The following UBTD2 variants were observed in gnomAD, a reference collection of about 807,000 sequenced individuals.
The protein encoded by UBTD2 is ubiquitin domain containing 2.
Under a neutral mutation model 19.8 loss-of-function variants are expected in UBTD2, and 9 were observed. The ratio of observed to expected loss-of-function variants is 0.46; its 90% CI spans 0.27 to 0.79. The LOEUF (loss-of-function observed/expected upper bound fraction) is 0.79. Among genes scored for constraint, UBTD2 ranks in the 30% least tolerant of loss-of-function variants. The pLI, the probability that UBTD2 is intolerant of heterozygous loss-of-function variation, is 0.14. For synonymous variants in UBTD2, 98 were observed against 103.9 expected, an observed-to-expected ratio of 0.94 and a Z score of 0.35; for missense variants, 250 against 300.4, an observed-to-expected ratio of 0.83 and a Z score of 1.24.
At chr5:172,255,344 G>C in intron 1 of UBTD2, 1 of 459,456 alleles carries the variant, frequency 2.2e-6, no homozygotes. Context: ...TACTTGTTGG[G>C]CTTCATGGAT....
chr5:172,254,448 G>A (rs192584261), intron 1 of UBTD2: 36 of 465,580 alleles, frequency 7.7e-5, no homozygotes, highest in African/African-American at 3.6e-4. Context: ...GTTACAGTCC[G>A]GACACTGTAA....
intron 1 of UBTD2, among the ~76,000 whole-genome samples, chr5:172,257,321 C>G (rs1274223489): frequency 6.6e-6 from 1 of 152,216 alleles, no homozygotes; most frequent in Non-Finnish European, 1.5e-5. Context: ...TGACCTCCTT[C>G]TTTTTATAGC....
intron 1 of UBTD2, among the ~76,000 whole-genome samples, chr5:172,240,209 G>A (rs993951661): frequency 3.3e-5 from 5 of 152,126 alleles, no homozygotes; most frequent in African/African-American, 1.2e-4. Context: ...CATGATCACT[G>A]AAGAGGAATC....
chr5:172,254,737 G>A, intron 1 of UBTD2: 2 of 284,842 alleles, frequency 7.0e-6, no homozygotes, highest in South Asian at 8.0e-5. Context: ...CTTGTGGGGG[G>A]GAACACTGAG....
At chr5:172,238,413 A>G (rs1772054600) in intron 1 of UBTD2, among the ~76,000 whole-genome samples, 1 of 152,204 alleles carries the variant, frequency 6.6e-6, no homozygotes, top group Admixed American at 6.5e-5. Flanking sequence ...TAATAAAGCA[A>G]TCTAATCTTA....
intron 2 of UBTD2, among the ~76,000 whole-genome samples, chr5:172,231,551 T>C (rs908602598): frequency 1.3e-5 from 2 of 152,192 alleles, no homozygotes; most frequent in Admixed American, 1.3e-4. Flanking sequence ...AGGATATGCA[T>C]GAGGCCCAGC....
At chr5:172,243,719 T>A (rs10077514) in intron 1 of UBTD2, among the ~76,000 whole-genome samples, 1 of 151,426 alleles carries the variant, frequency 6.6e-6, no homozygotes, top group African/African-American at 2.4e-5. Flanking sequence ...CCTGCCACCA[T>A]GCCTGGCTAA....
chr5:172,261,926 A>G (rs1289587693), intron 1 of UBTD2, among the ~76,000 whole-genome samples: 2 of 152,062 alleles, frequency 1.3e-5, no homozygotes. Flanking sequence ...ACCCAGCCTC[A>G]CTCACATACA....
chr5:172,281,676 C>T (rs1373233746), intron 1 of UBTD2, among the ~76,000 whole-genome samples: 1 of 152,098 alleles, frequency 6.6e-6, no homozygotes, highest in Non-Finnish European at 1.5e-5. Flanking sequence ...GAGTTAATTT[C>T]ACTAAACCAC....
At chr5:172,259,414 T>A (rs1000876336) in intron 1 of UBTD2, among the ~76,000 whole-genome samples, 7 of 152,130 alleles carry the variant, frequency 4.6e-5, no homozygotes, top group Non-Finnish European at 1.0e-4. Flanking sequence ...GTGCTGGGAT[T>A]ACAGGAGTGA....
At chr5:172,274,845 C>A (rs764437240) in intron 1 of UBTD2, among the ~76,000 whole-genome samples, 1 of 151,946 alleles carries the variant, frequency 6.6e-6, no homozygotes, top group Non-Finnish European at 1.5e-5. Context: ...TTGAGACCAT[C>A]CTAACACGGT....
Position 172,211,674 on chromosome 5 carries a change from C to T in UBTD2, c.*156G>A, listed in dbSNP as rs1242839717. On this transcript the variant is annotated 3_prime_UTR_variant, in exon 3 of 3. Transcript: ENST00000393792. Reference sequence around the variant, plus strand: ...TTTTATTATTTTTGTTGGTCTCCATCACAGATGGAATTTTTCACTGGTAAT... The same window carrying T: ...TTTTATTATTTTTGTTGGTCTCCATTACAGATGGAATTTTTCACTGGTAAT... The T allele has an allele frequency of 2.6e-6, 2 of 764,100 alleles. No individual in the cohort carries two copies. Among genetic ancestry groups the T allele is most frequent in the Non-Finnish European group, 3.8e-6 (2 of 526,712 alleles). The allele number at this position is 764,100 out of a possible 1,614,324, so 47.3% of individuals were successfully genotyped here.
chr5:172,271,326 G>A (rs915769317), intron 1 of UBTD2, among the ~76,000 whole-genome samples: 6 of 152,030 alleles, frequency 3.9e-5, no homozygotes, highest in African/African-American at 1.4e-4. Flanking sequence ...CTACTCAGGA[G>A]GCTGAGGCAG....
chr5:172,260,075 C>T (rs995424680), intron 1 of UBTD2, among the ~76,000 whole-genome samples: 1 of 148,394 alleles, frequency 6.7e-6, no homozygotes, highest in African/African-American at 2.5e-5. Context: ...CCCCGCCGCA[C>T]CCCCACCCCC....
chr5:172,258,685 T>C (rs1305512818), intron 1 of UBTD2, among the ~76,000 whole-genome samples: 1 of 152,210 alleles, frequency 6.6e-6, no homozygotes, highest in East Asian at 1.9e-4. Context: ...CCGCGTTGGC[T>C]GTTTTCCTAG....
chr5:172,238,651 T>C (rs530903131), intron 1 of UBTD2, among the ~76,000 whole-genome samples: 1 of 152,310 alleles, frequency 6.6e-6, no homozygotes, highest in Non-Finnish European at 1.5e-5. Context: ...AAATAACACA[T>C]AATTTTAAAT....
At chr5:172,229,394 G>C (rs1419770085) in intron 2 of UBTD2, among the ~76,000 whole-genome samples, 1 of 151,058 alleles carries the variant, frequency 6.6e-6, no homozygotes, top group Non-Finnish European at 1.5e-5. Context: ...CCAGCTACTT[G>C]GGAGGCTGAG....
chr5:172,260,326 G>A (rs1241307272), intron 1 of UBTD2, among the ~76,000 whole-genome samples: 14 of 149,064 alleles, frequency 9.4e-5, no homozygotes, highest in Admixed American at 9.3e-4. Flanking sequence ...CTCCCTCTTC[G>A]AGCAATTATG....
intron 1 of UBTD2, among the ~76,000 whole-genome samples, chr5:172,265,330 C>T (rs1231505627): frequency 1.3e-5 from 2 of 152,046 alleles, no homozygotes. Context: ...TAATTAAAGC[C>T]GAGTAGTAAA....
Sources: gnomAD v4.1 joint callset for allele counts (sites outside exome capture counted in the v4.1 genomes callset) on GRCh38, gnomAD v4.1.1 for gene constraint, MANE v1.5 for transcripts, NCBI Gene and HGNC (gene_info 2026-07-23, HGNC 2026-07-21) for gene names.